LRP1B: variants seen among roughly 807,000 people sequenced by gnomAD.
LRP1B encodes LDL receptor related protein 1B, also known as low-density lipoprotein receptor-related protein 1B.
Under a neutral mutation model 556.6 loss-of-function variants are expected in LRP1B, and 217 were observed. The observed-to-expected ratio is 0.39, with a 90% CI of 0.35 to 0.44. LRP1B has a LOEUF of 0.44. LRP1B is among the 20% of genes least tolerant of loss of function. LRP1B has a pLI of 1.00. For synonymous variants in LRP1B, 2,047 were observed against 1,865.8 expected, an observed-to-expected ratio of 1.10 and a Z score of -2.50; for missense variants, 5,053 against 5,620.8, an observed-to-expected ratio of 0.90 and a Z score of 3.23.
At chr2:140,933,424 G>T (rs901345095) in intron 20 of LRP1B, among the ~76,000 whole-genome samples, 6 of 151,950 alleles carry the variant, frequency 3.9e-5, no homozygotes, top group Non-Finnish European at 8.8e-5. Context: ...TCTCCATGTT[G>T]TTTATTTTTT....
chr2:141,739,466 A>G (rs1558840840), intron 2 of LRP1B, among the ~76,000 whole-genome samples: 1 of 152,098 alleles, frequency 6.6e-6, no homozygotes, highest in Non-Finnish European at 1.5e-5. Context: ...GTAAAAAAAG[A>G]CAGTGTCGTG....
chr2:142,017,497 T>A (rs1374467192), intron 1 of LRP1B, among the ~76,000 whole-genome samples: 1 of 152,176 alleles, frequency 6.6e-6, no homozygotes, highest in Non-Finnish European at 1.5e-5. Context: ...CTTTGCTTAA[T>A]CTTTCAAGTT....
rs545093323 is a variant in LRP1B at position 140,347,295 on chromosome 2, G to GAA, written c.11892+3500_11892+3501dup. On this transcript the variant is annotated intron_variant, in intron 77 of 90. Transcript: ENST00000389484. The stretch of plus-strand genomic sequence containing the variant: ...TTAAGTTTTAAATTATTTCTTAAAC[G>GAA]AAAAAAAAATCCATTCCTCTTGTAT... 7.0e-3 allele frequency among the ~76,000 whole-genome samples: 1,045 copies of GAA among 148,350 alleles called. 13 individuals are homozygous for GAA. Among genetic ancestry groups the GAA allele is most frequent in the Non-Finnish European group, 9.3e-3 (621 of 66,820 alleles).
At chr2:140,296,946 A>G (rs966806963) in intron 84 of LRP1B, among the ~76,000 whole-genome samples, 13 of 152,188 alleles carry the variant, frequency 8.5e-5, no homozygotes, top group Non-Finnish European at 1.5e-4. Context: ...TAGTAAAATA[A>G]GGTTATTACA....
At chr2:140,922,847 C>T in intron 21 of LRP1B, 118 bp downstream of exon 21, 3 of 780,800 alleles carry the variant, frequency 3.8e-6, no homozygotes, top group East Asian at 2.6e-5. Context: ...TATACATGAG[C>T]ACATCTGCCA....
At chr2:140,652,718 C>G (rs972978449) in intron 41 of LRP1B, among the ~76,000 whole-genome samples, 26 of 152,066 alleles carry the variant, frequency 1.7e-4, no homozygotes, top group African/African-American at 6.0e-4. Flanking sequence ...GTCACTTAAA[C>G]AGGAGCAAAA....
At chr2:141,406,963 T>C (rs1559053137) in intron 3 of LRP1B, among the ~76,000 whole-genome samples, 1 of 152,262 alleles carries the variant, frequency 6.6e-6, no homozygotes. Context: ...CATGACTAGA[T>C]AAAGCATTTT....
At chr2:141,664,445 ATATC>A (rs935540586) in intron 2 of LRP1B, among the ~76,000 whole-genome samples, 9 of 152,164 alleles carry the variant, frequency 5.9e-5, no homozygotes, top group African/African-American at 2.2e-4. Context: ...ACATGATCCT[ATATC>A]TAGAAAATCC....
rs1683318505 is a variant in LRP1B, at chr2:140,378,197, C to T, written c.10621G>A (p.Ala3541Thr). The change falls in exon 68 of 91, where the codon GCA becomes ACA. Residue 3541 changes from alanine to threonine, a missense_variant. This residue lies in a region of LRP1B where 599 missense variants were observed against 648.4 expected (regional missense o/e 0.92). Transcript: ENST00000389484. ...ATGCCTACCTCATCAGAGCCATCTG[C>T]ACAGTCAAAATCTCCATCACACCAA... ...RFWCDGDFDC[A>T]DGSDERNCET... 6.2e-7 allele frequency: 1 copy of T among 1,613,024 alleles called. No individual in the cohort carries two copies. The highest frequency in any genetic ancestry group is 8.5e-7 in the Non-Finnish European group (1 of 1,179,270).
intron 31 of LRP1B, among the ~76,000 whole-genome samples, chr2:140,826,605 C>T (rs996441729): frequency 6.6e-5 from 10 of 152,122 alleles, no homozygotes; most frequent in East Asian, 3.9e-4. Context: ...ATGGGCCTTT[C>T]GATTCATAAT....
chr2:141,312,993 T>A (rs1686870962), intron 3 of LRP1B, among the ~76,000 whole-genome samples: 2 of 152,194 alleles, frequency 1.3e-5, no homozygotes, highest in African/African-American at 4.8e-5. Flanking sequence ...CTAATTCTTT[T>A]ATTTAAAAAC....
intron 33 of LRP1B, among the ~76,000 whole-genome samples, 167 bp from the exon 34 acceptor site, chr2:140,771,173 A>G (rs916742456): frequency 1.3e-5 from 2 of 152,172 alleles, no homozygotes; most frequent in Non-Finnish European, 2.9e-5. Flanking sequence ...TTAAAGTAGT[A>G]AATTATTGTT....
intron 7 of LRP1B, among the ~76,000 whole-genome samples, chr2:141,096,217 A>C (rs1449179831): frequency 2.0e-5 from 3 of 152,184 alleles, no homozygotes; most frequent in African/African-American, 7.2e-5. Context: ...CAAAGGCATT[A>C]CAAACACCAA....
At chr2:141,968,944 T>A (rs1701642502) in intron 1 of LRP1B, among the ~76,000 whole-genome samples, 1 of 151,652 alleles carries the variant, frequency 6.6e-6, no homozygotes, top group African/African-American at 2.4e-5. Context: ...TGTCATTCTA[T>A]TTCTTTTTTT....
intron 6 of LRP1B, among the ~76,000 whole-genome samples, chr2:141,198,820 C>T (rs78764950): frequency 6.5e-4 from 99 of 152,212 alleles, no homozygotes; most frequent in African/African-American, 2.2e-3. Flanking sequence ...TTACTCGATC[C>T]ACAAATCAAA....
intron 84 of LRP1B, among the ~76,000 whole-genome samples, chr2:140,287,191 T>C (rs1329619700): frequency 1.3e-5 from 2 of 151,804 alleles, no homozygotes; most frequent in African/African-American, 4.8e-5. Context: ...TCCACTGAAA[T>C]TGTTTTAAAA....
At chr2:141,292,431 G>A (rs1686009073) in intron 3 of LRP1B, among the ~76,000 whole-genome samples, 1 of 152,032 alleles carries the variant, frequency 6.6e-6, no homozygotes. Context: ...TCCTGGATGA[G>A]CAATAATAAT....
intron 43 of LRP1B, among the ~76,000 whole-genome samples, chr2:140,550,658 A>C (rs868288316): frequency 2.0e-4 from 30 of 152,148 alleles, no homozygotes; most frequent in Admixed American, 7.9e-4. Context: ...TTGGAAAACT[A>C]ATGCAGAAGT....
intron 1 of LRP1B, among the ~76,000 whole-genome samples, chr2:142,033,764 T>C (rs115665594): frequency 0.027 from 4,060 of 151,902 alleles, 74 homozygotes; most frequent in Non-Finnish European, 0.04. Context: ...AGTGGAGTTA[T>C]AGAAAGATAT....
Sources: gnomAD v4.1 joint callset for allele counts (sites outside exome capture counted in the v4.1 genomes callset) on GRCh38, gnomAD v4.1.1 for gene constraint, gnomAD v4.1.1 regional missense constraint, MANE v1.5 for transcripts, NCBI Gene and HGNC (gene_info 2026-07-23, HGNC 2026-07-21) for gene names.